Variants in ABCG4 observed in about 807,000 individuals in gnomAD.
ABCG4 encodes ATP binding cassette subfamily G member 4, also known as ATP-binding cassette sub-family G member 4.
A neutral mutation model predicts 64.6 loss-of-function variants in ABCG4; 35 were observed. That is an observed-to-expected ratio of 0.54 (90% CI 0.41 to 0.72). The LOEUF (loss-of-function observed/expected upper bound fraction) is 0.72. Ranked by LOEUF, ABCG4 falls within the 30% of genes least tolerant of loss-of-function variation. The pLI is 0.00. For missense variants in ABCG4, 610 were observed against 846.3 expected (o/e 0.72, Z 3.46); for synonymous variants, 326 against 348.2 (o/e 0.94, Z 0.71).
chr11:119,153,306 G>A lies in ABCG4; in HGVS notation c.239-720G>A, dbSNP rs185045896. 56 of 153,674 alleles carry A rather than the reference G, an allele frequency of 3.6e-4. 1 individual carries two copies. The highest frequency in any genetic ancestry group is 1.6e-3 in the Middle Eastern group (2 of 1,262). The allele number at this position is 153,674 out of a possible 1,614,324, so 9.5% of individuals were successfully genotyped here. A position where few individuals can be genotyped will look rare whatever the true frequency, so the allele number is the denominator to read the frequency against. On this transcript the variant is annotated intron_variant, in intron 2 of 14. Coordinates refer to ENST00000619701, the MANE Select transcript of ABCG4 (RefSeq NM_022169.5). ...ACCCAGATCCACCTGACTCCAAACC[G>A]TGCTCTAAATGCATATGCTGCCTTC...
At position 119,154,752 on chromosome 11, in the gene ABCG4, T is replaced by A; in HGVS notation, c.541-18T>A. On this transcript the variant is annotated intron_variant, in intron 5 of 14. Transcript: ENST00000619701. The surrounding 1 kb of genome is among the most constrained non-coding windows in gnomAD (Gnocchi z 7.0). ...CAGAGACTCCGAAGCTGACCTGGCA[T>A]GGGTGGGGTGGGGCCAGGTGACAGA... The A allele has an allele frequency of 6.2e-7, 1 of 1,601,334 alleles. No individual in the cohort carries two copies.
Position 119,158,890 on chromosome 11 carries a change from G to A in ABCG4, c.1398G>A (p.Ala466=), listed in dbSNP as rs774866555. ...TCAACTACTGGTACAGCCTCAAAGC[G>A]TATTACCTGGCCAAGACCATGGCTG... ...EHLNYWYSLK[A]YYLAKTMADV... is the part of the protein sequence containing the mutation. The change falls in exon 12 of 15, where the codon GCG becomes GCA. Residue 466 remains alanine (A), a synonymous_variant. Coordinates refer to ENST00000619701, the MANE Select transcript of ABCG4 (RefSeq NM_022169.5). This position sits in a 1 kb window ranked among gnomAD's most constrained non-coding sequence, Gnocchi z 4.5. The A allele has an allele frequency of 4.0e-5, 64 of 1,614,104 alleles. No homozygotes were observed. The East Asian group carries it at 4.2e-4, about 11-fold the overall frequency.
At position 119,154,485 on chromosome 11, in the gene ABCG4, C is replaced by G; in HGVS notation, c.490-40C>G. ...GGCGGAGGGTTCAAGGCAGAGCTCC[C>G]TCCCACACATACTTTTCTTGCTTAC... is the stretch of plus-strand genomic sequence containing the variant. On this transcript the variant is annotated intron_variant, in intron 4 of 14. Coordinates refer to ENST00000619701, the MANE Select transcript of ABCG4 (RefSeq NM_022169.5). This position sits in a 1 kb window ranked among gnomAD's most constrained non-coding sequence, Gnocchi z 7.0. The G allele has an allele frequency of 6.2e-7, 1 of 1,614,102 alleles. No individual in the cohort carries two copies.
Position 119,156,761 on chromosome 11 carries a change from G to A in ABCG4, c.925+83G>A. 7 of 1,592,822 alleles carry A rather than the reference G, an allele frequency of 4.4e-6. No individual in the cohort carries two copies. The South Asian group carries it at 6.6e-5, about 15-fold the overall frequency. Reference sequence around the variant, plus strand: ...TCTGGTCTTGCACTCAGGCCTCCTAGGGGTAGAGATCTCACCGTCGCCTGC... The same window carrying A: ...TCTGGTCTTGCACTCAGGCCTCCTAAGGGTAGAGATCTCACCGTCGCCTGC... On this transcript the variant is annotated intron_variant, in intron 8 of 14. Transcript: ENST00000619701. The surrounding 1 kb of genome is among the most constrained non-coding windows in gnomAD (Gnocchi z 5.5).
Position 119,154,462 on chromosome 11 carries a change from C to A in ABCG4, c.490-63C>A, listed in dbSNP as rs761262740. On this transcript the variant is annotated intron_variant, in intron 4 of 14. Transcript: ENST00000619701. The surrounding 1 kb of genome is among the most constrained non-coding windows in gnomAD (Gnocchi z 7.0). ...CTGCTGTCGCCACCTTCACCATTGGCGGAGGGTTCAAGGCAGAGCTCCCTC... is the reference window on the plus strand; with the variant it reads ...CTGCTGTCGCCACCTTCACCATTGGAGGAGGGTTCAAGGCAGAGCTCCCTC... 7.4e-6 allele frequency: 12 copies of A among 1,613,850 alleles called. No individual in the cohort carries two copies. In the Admixed American group the frequency reaches 1.5e-4, roughly 20 times the overall value.
Position 119,156,759 on chromosome 11 carries a change from TA to T in ABCG4, c.925+82del. On this transcript the variant is annotated intron_variant, in intron 8 of 14. Transcript: ENST00000619701. The surrounding 1 kb of genome is among the most constrained non-coding windows in gnomAD (Gnocchi z 5.5). The stretch of plus-strand genomic sequence containing the variant: ...TCTCTGGTCTTGCACTCAGGCCTCC[TA>T]GGGGTAGAGATCTCACCGTCGCCTG... 3 of 1,592,452 alleles carry T rather than the reference TA, an allele frequency of 1.9e-6. No homozygotes were observed. The highest frequency in any genetic ancestry group is 1.7e-6 in the Non-Finnish European group (2 of 1,161,592).
In ABCG4 at chr11:119,149,753, G is replaced by A; in HGVS notation, c.-12-201G>A. ...TGAGGGCTTCAAGGGGACGGGCTGG[G>A]GTCAGGCTGGAGCTGGGCTGCCCGG... On this transcript the variant is annotated intron_variant, in intron 1 of 14. Transcript: ENST00000619701. This position sits in a 1 kb window ranked among gnomAD's most constrained non-coding sequence, Gnocchi z 8.3. 1.3e-6 allele frequency: 1 copy of A among 780,604 alleles called. No individual in the cohort carries two copies. The highest frequency in any genetic ancestry group is 2.0e-6 in the Non-Finnish European group (1 of 506,972). 48.4% of individuals were successfully genotyped at this position (780,604 alleles called of 1,614,324 possible). A position where few individuals can be genotyped will look rare whatever the true frequency, so the allele number is the denominator to read the frequency against.
Position 119,149,653 on chromosome 11 carries a change from T to G in ABCG4, c.-13+290T>G, listed in dbSNP as rs1565811815. 2.5e-6 allele frequency: 1 copy of G among 405,764 alleles called. No homozygotes were observed. The highest frequency in any genetic ancestry group is 3.7e-5 in the Admixed American group (1 of 26,852). The allele number at this position is 405,764 out of a possible 1,614,324, so 25.1% of individuals were successfully genotyped here. ...CGGCTGCCTCTTCTCCCCCGCCCCCTATTCCTTCAGTCCCCAGGGGCTGCT... is the reference window on the plus strand; with the variant it reads ...CGGCTGCCTCTTCTCCCCCGCCCCCGATTCCTTCAGTCCCCAGGGGCTGCT... On this transcript the variant is annotated intron_variant, in intron 1 of 14. Coordinates refer to ENST00000619701, the MANE Select transcript of ABCG4 (RefSeq NM_022169.5). This position sits in a 1 kb window ranked among gnomAD's most constrained non-coding sequence, Gnocchi z 8.3.
chr11:119,150,067 C>T lies in ABCG4; in HGVS notation c.102C>T (p.Thr34=), dbSNP rs1259788161. The change falls in exon 2 of 15, where the codon ACC becomes ACT. Residue 34 remains threonine, a synonymous_variant. Transcript: ENST00000619701. This position sits in a 1 kb window ranked among gnomAD's most constrained non-coding sequence, Gnocchi z 4.3. ...ACGGGGCGGAACCCCCTGTGCTGAC[C>T]ACGCACCTGAAGAAGGTGGAGAACC... ...LEDGAEPPVL[T]THLKKVENHI... 9 of 1,614,092 alleles carry T rather than the reference C, an allele frequency of 5.6e-6. No individual in the cohort carries two copies. Among genetic ancestry groups the T allele is most frequent in the Non-Finnish European group, 5.9e-6 (7 of 1,180,006 alleles).
At chr11:119,159,393 TACA>T in intron 12 of ABCG4, among the ~76,000 whole-genome samples, 1 of 134,576 alleles carries the variant, frequency 7.4e-6, no homozygotes, top group East Asian at 2.4e-4. Context: ...GCAATAACCC[TACA>T]AATGACTCTG....
chr11:119,154,085 A>G lies in ABCG4; in HGVS notation c.298A>G (p.Ile100Val), dbSNP rs749064882. ...GKFCRRELIG[I>V]MGPSGAGKST... ...ATTCTGCCGCCGGGAGCTGATTGGC[A>G]TCATGGGCCCCTCAGGGGCTGGCAA... The change falls in exon 3 of 15, where the codon ATC (isoleucine) becomes GTC (valine). Residue 100 changes from isoleucine to valine, a missense_variant. Ile to Val is a conservative substitution (Grantham distance 29). Coordinates refer to ENST00000619701, the MANE Select transcript of ABCG4 (RefSeq NM_022169.5). This position sits in a 1 kb window ranked among gnomAD's most constrained non-coding sequence, Gnocchi z 7.0. The G allele has an allele frequency of 1.9e-6, 3 of 1,614,206 alleles. No individual in the cohort carries two copies. Among genetic ancestry groups the G allele is most frequent in the Admixed American group, 1.7e-5 (1 of 60,028 alleles).
rs1660447559 is a variant in ABCG4, at chr11:119,158,783, G to A, written c.1337-46G>A. 5 of 1,614,174 alleles carry A rather than the reference G, an allele frequency of 3.1e-6. No individual in the cohort carries two copies. Among genetic ancestry groups the A allele is most frequent in the Non-Finnish European group, 3.4e-6 (4 of 1,180,004 alleles). On this transcript the variant is annotated intron_variant, in intron 11 of 14. Coordinates refer to ENST00000619701, the MANE Select transcript of ABCG4 (RefSeq NM_022169.5). The surrounding 1 kb of genome is among the most constrained non-coding windows in gnomAD (Gnocchi z 4.5). ...GTGTGGGTGCTGGGGCTTGGGGCAG[G>A]GGCCAGGGTGTCGGCCGGGTGTGCC...
At position 119,149,970 on chromosome 11, in the gene ABCG4, C is replaced by T. The variant is rs780697967; in HGVS notation, c.5C>T (p.Ala2Val). 1.2e-5 allele frequency: 19 copies of T among 1,604,746 alleles called. No homozygotes were observed. In the African/African-American group the frequency reaches 1.3e-4, roughly 11 times the overall value. Residue 2 changes from alanine (A) to valine (V), a missense_variant, in exon 2 of 15, where the codon GCG becomes GTG. Transcript: ENST00000619701. The surrounding 1 kb of genome is among the most constrained non-coding windows in gnomAD (Gnocchi z 8.3). ...CCCTTGCAGGTCGGCGGCGTGATGGCGGAGAAGGCGCTGGAGGCCGTGGGC... is the reference window on the plus strand; with the variant it reads ...CCCTTGCAGGTCGGCGGCGTGATGGTGGAGAAGGCGCTGGAGGCCGTGGGC... M[A>V]EKALEAVGCG...
chr11:119,159,211 G>A (rs1182701679), intron 12 of ABCG4, among the ~76,000 whole-genome samples: 2 of 152,236 alleles, frequency 1.3e-5, no homozygotes, highest in African/African-American at 4.8e-5. Flanking sequence ...ATAGGGCCAG[G>A]CGCAGTGGCT....
rs1948327044 is a variant in ABCG4, at chr11:119,160,201, C to A, written c.1438-26C>A. On this transcript the variant is annotated intron_variant, in intron 12 of 14. Transcript: ENST00000619701. The surrounding 1 kb of genome is among the most constrained non-coding windows in gnomAD (Gnocchi z 4.6). ...TGCTGTGCCCCTGGCTTGAAGTCCA[C>A]TGTCCAGCCCGTGCCCACTCCCCAG... The A allele has an allele frequency of 3.2e-6, 5 of 1,586,736 alleles. No individual in the cohort carries two copies. The highest frequency in any genetic ancestry group is 3.5e-6 in the Non-Finnish European group (4 of 1,159,366).
Position 119,158,543 on chromosome 11 carries a change from T to A in ABCG4, c.1168-14T>A, listed in dbSNP as rs779603850. On this transcript the variant is annotated splice_polypyrimidine_tract_variant and intron_variant, in intron 10 of 14. Transcript: ENST00000619701. The surrounding 1 kb of genome is among the most constrained non-coding windows in gnomAD (Gnocchi z 4.5). ...CTGTAACACATCCCTCTCCTGGTGA[T>A]GACCCCTCCCAAGGTCCTGACCCAC... 1.9e-5 allele frequency: 31 copies of A among 1,614,142 alleles called. No homozygotes were observed. The highest frequency in any genetic ancestry group is 2.6e-5 in the Non-Finnish European group (31 of 1,179,972).
chr11:119,157,211 G>A (rs1565815548), intron 9 of ABCG4, among the ~76,000 whole-genome samples, 197 bp downstream of exon 9: 1 of 152,216 alleles, frequency 6.6e-6, no homozygotes, highest in Non-Finnish European at 1.5e-5. Context: ...TTGAGCTCCA[G>A]TTTCCTCATT....
intron 2 of ABCG4, chr11:119,153,762 C>A (rs1662124636): frequency 4.3e-6 from 2 of 463,106 alleles, no homozygotes; most frequent in Non-Finnish European, 7.9e-6. Flanking sequence ...CCACGCCCAT[C>A]CATGAGATGT....
At position 119,158,932 on chromosome 11, in the gene ABCG4, G is replaced by T. The variant is rs761892897; in HGVS notation, c.1437+3G>T. 7 of 1,614,006 alleles carry T rather than the reference G, an allele frequency of 4.3e-6. No homozygotes were observed. The highest frequency in any genetic ancestry group is 5.9e-6 in the Non-Finnish European group (7 of 1,179,962). ...CCATGGCTGACGTGCCCTTTCAGGT[G>T]GGCCTCTTCCTCCCACCTGCCCACT... On this transcript the variant is annotated splice_donor_region_variant and intron_variant, in intron 12 of 14. Transcript: ENST00000619701. The surrounding 1 kb of genome is among the most constrained non-coding windows in gnomAD (Gnocchi z 4.5).
Sources: gnomAD v4.1 joint callset for allele counts (sites outside exome capture counted in the v4.1 genomes callset) on GRCh38, gnomAD v4.1.1 for gene constraint, Gnocchi (gnomAD v3.1) non-coding constraint, MANE v1.5 for transcripts, NCBI Gene and HGNC (gene_info 2026-07-23, HGNC 2026-07-21) for gene names.